The following BRPF1 variants were observed in gnomAD, a reference collection of about 807,000 sequenced individuals.
BRPF1 encodes the protein peregrin.
In BRPF1, 15 loss-of-function variants were observed where a neutral mutation model predicts 115.0. The ratio of observed to expected loss-of-function variants is 0.13; its 90% confidence interval spans 0.09 to 0.20. The LOEUF is 0.20. Among genes scored for constraint, BRPF1 ranks in the 10% least tolerant of loss-of-function variants. The probability of loss-of-function intolerance (pLI) is 1.00; values close to 1 mark genes in which losing one functional copy is unlikely to be tolerated. For missense variants in BRPF1, 1,118 were observed against 1,638.3 expected, an observed-to-expected ratio of 0.68 and a Z score of 5.48; for synonymous variants, 647 against 619.8, an observed-to-expected ratio of 1.04 and a Z score of -0.65.
rs1248725460 is a variant in BRPF1 at position 9,734,432 on chromosome 3, A to G, written c.292A>G (p.Met98Val). ...GATGAGCTATGCACAGGCCCAGCGC[A>G]TGGTGGAGGTGGACTTGCATGGCCG... The part of the protein sequence containing the change: ...EVMSYAQAQR[M>V]VEVDLHGRVH... The change falls in exon 2 of 14, where the codon ATG becomes GTG. Residue 98 changes from methionine (M) to valine (V), a missense_variant. Around this residue, in one of 10 missense-constraint regions of BRPF1, gnomAD observed 280 missense variants for 382.8 expected, o/e 0.73. Coordinates refer to ENST00000383829, the MANE Select transcript of BRPF1 (RefSeq NM_001003694.2). This position sits in a 1 kb window ranked among gnomAD's most constrained non-coding sequence, Gnocchi z 5.7. 1.9e-6 allele frequency: 3 copies of G among 1,614,150 alleles called. No homozygotes were observed. Among genetic ancestry groups the G allele is most frequent in the South Asian group, 1.1e-5 (1 of 91,078 alleles).
chr3:9,736,824 C>T (rs2076950008), intron 2 of BRPF1, among the ~76,000 whole-genome samples: 1 of 152,238 alleles, frequency 6.6e-6, no homozygotes, highest in African/African-American at 2.4e-5. Context: ...GCATCACTTT[C>T]TCTTGCTTGC....
rs1052716767 is a variant in BRPF1 at position 9,745,317 on chromosome 3, A to G, written c.3068+162A>G. ...GCTAAATAAATAAATCAGTGTTACCATTAATAGAACAGAGAGAACCATCCT... is the reference window on the plus strand; with the variant it reads ...GCTAAATAAATAAATCAGTGTTACCGTTAATAGAACAGAGAGAACCATCCT... On this transcript the variant is annotated intron_variant, in intron 10 of 13. Transcript: ENST00000383829. This position sits in a 1 kb window ranked among gnomAD's most constrained non-coding sequence, Gnocchi z 5.1. Among the ~76,000 whole-genome samples the G allele has an allele frequency of 2.0e-5, 3 of 152,252 alleles. No individual in the cohort carries two copies. Among genetic ancestry groups the G allele is most frequent in the African/African-American group, 7.2e-5 (3 of 41,460 alleles).
chr3:9,745,462 C>T lies in BRPF1; in HGVS notation c.3069-111C>T. On this transcript the variant is annotated intron_variant, in intron 10 of 13. Transcript: ENST00000383829. This position sits in a 1 kb window ranked among gnomAD's most constrained non-coding sequence, Gnocchi z 5.1. Reference sequence around the variant, plus strand: ...GAATTTGAAATTCCTCATATAGCCTCTGCTTTCCAAAAGTCTCAGACCCTG... The same window carrying T: ...GAATTTGAAATTCCTCATATAGCCTTTGCTTTCCAAAAGTCTCAGACCCTG... 7.7e-7 allele frequency: 1 copy of T among 1,294,660 alleles called. No homozygotes were observed. Among genetic ancestry groups the T allele is most frequent in the South Asian group, 1.3e-5 (1 of 75,678 alleles). The allele number at this position is 1,294,660 out of a possible 1,614,324, so 80.2% of individuals were successfully genotyped here.
chr3:9,744,001 C>T (rs1332515062), intron 8 of BRPF1, 100 bp downstream of exon 8: 3 of 1,395,846 alleles, frequency 2.1e-6, no homozygotes, highest in East Asian at 4.8e-5. Context: ...GTCCCTCCTA[C>T]ACAGCTAGCT....
In BRPF1 at chr3:9,742,103, C is replaced by T. The variant is rs568178792; in HGVS notation, c.1933C>T (p.Gln645Ter). 1 of 1,614,200 alleles carries T rather than the reference C, an allele frequency of 6.2e-7. No homozygotes were observed. The highest frequency in any genetic ancestry group is 1.3e-5 in the African/African-American group (1 of 75,032). ...CCTTCGCAAAACCTTGGAGCAGCTCCAAGAGAAGGACACAGGCAACATCTT... is the reference window on the plus strand; with the variant it reads ...CCTTCGCAAAACCTTGGAGCAGCTCTAAGAGAAGGACACAGGCAACATCTT... ...ILLRKTLEQL[Q>*]EKDTGNIFSE... is the part of the protein sequence containing the mutation. Residue 645 changes from glutamine to a stop codon, truncating the protein, a stop_gained, in exon 6 of 14, where the codon CAA becomes TAA. Coordinates refer to ENST00000383829, the MANE Select transcript of BRPF1 (RefSeq NM_001003694.2). LOFTEE classifies it high-confidence loss of function.
In BRPF1 at chr3:9,742,046, A is replaced by G. The variant is rs2077040282; in HGVS notation, c.1876A>G (p.Met626Val). The change falls in exon 6 of 14, where the codon ATG (methionine) becomes GTG (valine). Residue 626 changes from methionine (M) to valine (V), a missense_variant. Met to Val is a conservative substitution (Grantham distance 21). Coordinates refer to ENST00000383829, the MANE Select transcript of BRPF1 (RefSeq NM_001003694.2). ...RETIKVQQIA[M>V]EMQLTPFLIL... ...TTAGATCAAGGTTCAGCAGATTGCC[A>G]TGGAGATGCAGCTGACTCCTTTCCT... 1.9e-6 allele frequency: 3 copies of G among 1,614,192 alleles called. No individual in the cohort carries two copies. The highest frequency in any genetic ancestry group is 2.7e-5 in the African/African-American group (2 of 75,044).
Sources: allele counts gnomAD v4.1 joint callset (sites outside exome capture counted in the v4.1 genomes callset), GRCh38; gene constraint gnomAD v4.1.1; regional missense constraint gnomAD v4.1.1; non-coding constraint Gnocchi (gnomAD v3.1); transcripts MANE v1.5; gene names NCBI Gene and HGNC (gene_info 2026-07-23, HGNC 2026-07-21).